PSTPIP2: variants seen among roughly 807,000 people sequenced by gnomAD.
The protein encoded by PSTPIP2 is proline-serine-threonine phosphatase interacting protein 2.
PSTPIP2 carries 33 observed loss-of-function variants against 63.3 expected under a neutral mutation model. That is an observed-to-expected ratio of 0.52 (90% CI 0.40 to 0.70). PSTPIP2 has a LOEUF of 0.70. PSTPIP2 is among the 30% of genes least tolerant of loss of function. The probability of loss-of-function intolerance (pLI) is 0.00; values close to 1 mark genes in which losing one functional copy is unlikely to be tolerated. For missense variants in PSTPIP2, 312 were observed against 400.7 expected, an observed-to-expected ratio of 0.78 and a Z score of 1.89; for synonymous variants, 125 against 132.7, an observed-to-expected ratio of 0.94 and a Z score of 0.40.
chr18:46,001,811 T>G (rs1384875210), intron 6 of PSTPIP2, among the ~76,000 whole-genome samples: 1 of 152,184 alleles, frequency 6.6e-6, no homozygotes, highest in Non-Finnish European at 1.5e-5. Flanking sequence ...GATGTTTTGA[T>G]GCAGGCATGC....
intron 4 of PSTPIP2, among the ~76,000 whole-genome samples, chr18:46,012,395 T>A (rs1288846629): frequency 2.0e-5 from 3 of 152,198 alleles, no homozygotes; most frequent in Admixed American, 6.5e-5. Flanking sequence ...TGATATATTG[T>A]TAAGTAAAAC....
At chr18:46,028,900 C>G in intron 2 of PSTPIP2, 2 of 1,566,354 alleles carry the variant, frequency 1.3e-6, no homozygotes, top group Middle Eastern at 3.4e-4. Flanking sequence ...AACTTCTCTT[C>G]CAAGAGGAAT....
At chr18:46,028,362 T>G (rs1286421487) in intron 2 of PSTPIP2, 4 of 490,652 alleles carry the variant, frequency 8.2e-6, no homozygotes, top group Non-Finnish European at 1.6e-5. Context: ...AGGCTGCCGC[T>G]TCATCCCAGC....
rs184932997 is a variant in PSTPIP2, at chr18:45,998,442, G to A, written c.562+352C>T. 1.6e-3 allele frequency among the ~76,000 whole-genome samples: 238 copies of A among 152,280 alleles called. 1 individual carries two copies. The highest frequency in any genetic ancestry group is 2.8e-3 in the Non-Finnish European group (191 of 68,024). The stretch of plus-strand genomic sequence containing the variant: ...TAGATAGATGCCCCAATACATCAGA[G>A]GAAGCACCTGATTGCAAAGCCGCTA... On this transcript the variant is annotated intron_variant, in intron 8 of 14. Transcript: ENST00000409746.
chr18:46,053,497 C>T (rs1007360624), intron 1 of PSTPIP2, among the ~76,000 whole-genome samples: 2 of 152,164 alleles, frequency 1.3e-5, no homozygotes, highest in African/African-American at 4.8e-5. Context: ...TTTTACCCAG[C>T]TTGATCTAAT....
At chr18:45,997,943 A>G in intron 8 of PSTPIP2, 115 bp from the exon 9 acceptor site, 12 of 841,160 alleles carry the variant, frequency 1.4e-5, no homozygotes, top group Non-Finnish European at 2.2e-5. Flanking sequence ...TGCTGAGCTT[A>G]CAAGGCCCCC....
intron 5 of PSTPIP2, among the ~76,000 whole-genome samples, chr18:46,010,542 G>T (rs2051783540): frequency 6.6e-6 from 1 of 152,208 alleles, no homozygotes; most frequent in Non-Finnish European, 1.5e-5. Flanking sequence ...GTTGTGGCTG[G>T]TCTAGTCTAA....
chr18:46,011,007 G>A (rs564212732), intron 5 of PSTPIP2, 174 bp downstream of exon 5: 211 of 586,240 alleles, frequency 3.6e-4, no homozygotes, highest in African/African-American at 3.5e-3. Context: ...GGCCTGGGGT[G>A]TAGAAATGCA....
chr18:46,029,825 G>T, intron 2 of PSTPIP2: 1 of 448,938 alleles, frequency 2.2e-6, no homozygotes. Context: ...AATGAAAAGG[G>T]CAAGGCCGGC....
chr18:45,985,833 G>A (rs1030099232), intron 14 of PSTPIP2, among the ~76,000 whole-genome samples: 3 of 150,754 alleles, frequency 2.0e-5, no homozygotes, highest in Non-Finnish European at 2.9e-5. Context: ...CTGGAGTGCA[G>A]TGGCGCAATC....
chr18:46,009,057 A>G (rs1231589687), intron 5 of PSTPIP2, among the ~76,000 whole-genome samples: 1 of 152,122 alleles, frequency 6.6e-6, no homozygotes, highest in East Asian at 1.9e-4. Context: ...ACGCTTTACC[A>G]TGATTCCTGG....
intron 1 of PSTPIP2, among the ~76,000 whole-genome samples, chr18:46,056,185 G>C (rs1908749186): frequency 6.6e-6 from 1 of 152,290 alleles, no homozygotes; most frequent in South Asian, 2.1e-4. Flanking sequence ...CGGCAATGTA[G>C]ATCCCTTAGC....
chr18:46,008,800 A>G (rs1205746216), intron 5 of PSTPIP2, among the ~76,000 whole-genome samples: 2 of 152,094 alleles, frequency 1.3e-5, no homozygotes. Flanking sequence ...ACAGACAGTT[A>G]TGGACTGGGG....
intron 7 of PSTPIP2, among the ~76,000 whole-genome samples, 190 bp downstream of exon 7, chr18:45,999,246 T>C (rs1343202568): frequency 6.6e-6 from 1 of 152,222 alleles, no homozygotes; most frequent in East Asian, 1.9e-4. Flanking sequence ...ATAGCCATGC[T>C]TCTGTCGCTC....
chr18:46,029,140 C>T (rs1036010198), intron 2 of PSTPIP2: 3 of 863,514 alleles, frequency 3.5e-6, no homozygotes, highest in African/African-American at 1.6e-5. Context: ...GAAGTTTTAG[C>T]CATGAGTACT....
chr18:45,999,414 G>A (rs781193538), intron 7 of PSTPIP2, 22 bp downstream of exon 7: 2 of 1,612,074 alleles, frequency 1.2e-6, no homozygotes, highest in African/African-American at 1.3e-5. Context: ...AGATTTTTCG[G>A]GTTGTTAGCC....
intron 5 of PSTPIP2, among the ~76,000 whole-genome samples, chr18:46,008,926 C>T (rs1860138151): frequency 6.6e-6 from 1 of 152,158 alleles, no homozygotes; most frequent in Non-Finnish European, 1.5e-5. Flanking sequence ...CCTTTCACCC[C>T]ACTGGTTTTA....
chr18:46,032,618 G>T (rs1418135491), intron 2 of PSTPIP2, among the ~76,000 whole-genome samples: 1 of 151,876 alleles, frequency 6.6e-6, no homozygotes, highest in Non-Finnish European at 1.5e-5. Flanking sequence ...AGCTGGTATG[G>T]TAGTGTGCAC....
chr18:46,006,360 C>CTT (rs756384731), intron 5 of PSTPIP2, among the ~76,000 whole-genome samples: 15,909 of 115,182 alleles, frequency 0.14, 4,334 homozygotes, highest in East Asian at 0.25. Context: ...AGCCCTGGTA[C>CTT]TTTTTTTTTT....
Sources: gnomAD v4.1 joint callset for allele counts (sites outside exome capture counted in the v4.1 genomes callset) on GRCh38, gnomAD v4.1.1 for gene constraint, MANE v1.5 for transcripts, NCBI Gene and HGNC (gene_info 2026-07-23, HGNC 2026-07-21) for gene names.